FBXO45: variants seen among roughly 807,000 people sequenced by gnomAD.
FBXO45 encodes the protein F-box protein 45, also known as F-box/SPRY domain-containing protein 1.
A neutral mutation model predicts 25.5 loss-of-function variants in FBXO45; 3 were observed. The observed-to-expected ratio is 0.12, with a 90% CI of 0.05 to 0.30. The LOEUF is 0.30. Among genes scored for constraint, FBXO45 ranks in the 10% least tolerant of loss-of-function variants. The pLI is 1.00. For missense variants in FBXO45, 219 were observed against 365.0 expected (o/e 0.60, Z 3.26); for synonymous variants, 155 against 149.8 (o/e 1.03, Z -0.25).
At chr3:196,578,709 A>T (rs969824691) in intron 2 of FBXO45, among the ~76,000 whole-genome samples, 5 of 152,114 alleles carry the variant, frequency 3.3e-5, no homozygotes, top group Non-Finnish European at 7.4e-5. Context: ...AGCTTGTCCA[A>T]CCCACAGCCT....
intron 1 of FBXO45, among the ~76,000 whole-genome samples, chr3:196,570,705 CTTTTTTCTTTTTT>C (rs1310319992): frequency 7.3e-6 from 1 of 136,322 alleles, no homozygotes; most frequent in African/African-American, 2.7e-5. Flanking sequence ...TTTCTCTTTT[CTTTTTTCTTTTTT>C]TTTTTTTTTT....
chr3:196,584,493 T>C lies in FBXO45; in HGVS notation c.*175T>C. On this transcript the variant is annotated 3_prime_UTR_variant, in exon 3 of 3. Coordinates refer to ENST00000311630, the MANE Select transcript of FBXO45 (RefSeq NM_001105573.2). This position sits in a 1 kb window ranked among gnomAD's most constrained non-coding sequence, Gnocchi z 4.3. ...TTATCTTCGTGTTTCCTCTTTCTAC[T>C]GGGCCAGAAAAATCCTCAGGGTTGC... is the stretch of plus-strand genomic sequence containing the variant. 1 of 588,842 alleles carries C rather than the reference T, an allele frequency of 1.7e-6. No homozygotes were observed. Among genetic ancestry groups the C allele is most frequent in the Non-Finnish European group, 2.8e-6 (1 of 357,770 alleles). The allele number at this position is 588,842 out of a possible 1,614,324, so 36.5% of individuals were successfully genotyped here. A position where few individuals can be genotyped will look rare whatever the true frequency, so the allele number is the denominator to read the frequency against.
intron 2 of FBXO45, among the ~76,000 whole-genome samples, chr3:196,579,888 C>T (rs1233579604): frequency 1.3e-5 from 2 of 152,158 alleles, no homozygotes; most frequent in African/African-American, 4.8e-5. Flanking sequence ...GAAATGACTT[C>T]CTTTGACTCT....
intron 1 of FBXO45, among the ~76,000 whole-genome samples, chr3:196,576,245 A>G (rs905543137): frequency 6.6e-6 from 1 of 152,320 alleles, no homozygotes; most frequent in Admixed American, 6.5e-5. Context: ...ATCCCTGAGA[A>G]GGACTAGGTG....
chr3:196,576,284 A>G (rs1005662423), intron 1 of FBXO45, among the ~76,000 whole-genome samples: 7 of 152,308 alleles, frequency 4.6e-5, no homozygotes, highest in Non-Finnish European at 1.0e-4. Flanking sequence ...AAATGCTGAC[A>G]TTCTATGCCT....
chr3:196,583,530 G>A (rs1039853413), intron 2 of FBXO45, among the ~76,000 whole-genome samples: 15 of 150,800 alleles, frequency 9.9e-5, no homozygotes, highest in Admixed American at 2.0e-4. Flanking sequence ...AAAAAGTTCC[G>A]TTGTATGTAT....
chr3:196,574,720 T>G lies in FBXO45; in HGVS notation c.319-2733T>G, dbSNP rs571070927. Among the ~76,000 whole-genome samples, 9 of 152,324 alleles carry G rather than the reference T, an allele frequency of 5.9e-5. No individual in the cohort carries two copies. The East Asian group carries it at 1.5e-3, about 26-fold the overall frequency. On this transcript the variant is annotated intron_variant, in intron 1 of 2. Transcript: ENST00000311630. ...TGTTAGAAAATAAGAGCTGCTAAATTGTTACGTGGCACAGAAAGTGGTGGG... is the reference window on the plus strand; with the variant it reads ...TGTTAGAAAATAAGAGCTGCTAAATGGTTACGTGGCACAGAAAGTGGTGGG...
Position 196,569,245 on chromosome 3 carries a change from G to A in FBXO45, c.261G>A (p.Leu87=), listed in dbSNP as rs77421535. 8.8e-6 allele frequency: 14 copies of A among 1,585,078 alleles called. No homozygotes were observed. The highest frequency in any genetic ancestry group is 2.3e-5 in the East Asian group (1 of 43,252). The change falls in exon 1 of 3, where the codon CTG becomes CTA. Residue 87 remains leucine, a synonymous_variant. Coordinates refer to ENST00000311630, the MANE Select transcript of FBXO45 (RefSeq NM_001105573.2). The surrounding 1 kb of genome is among the most constrained non-coding windows in gnomAD (Gnocchi z 4.1). ...EVWRSLCARS[L]AEEALRTDIL... ...GGCGGAGCCTGTGCGCCCGCAGCCT[G>A]GCAGAAGAGGCTCTGCGCACGGACA...
Position 196,569,055 on chromosome 3 carries a change from C to T in FBXO45, c.71C>T (p.Ala24Val). The T allele has an allele frequency of 3.5e-6, 4 of 1,147,748 alleles. No individual in the cohort carries two copies. Among genetic ancestry groups the T allele is most frequent in the Non-Finnish European group, 4.3e-6 (4 of 932,730 alleles). The allele number at this position is 1,147,748 out of a possible 1,614,324, so 71.1% of individuals were successfully genotyped here. The change falls in exon 1 of 3, where the codon GCG (alanine) becomes GTG (valine). Residue 24 changes from alanine to valine, a missense_variant. Physicochemically the swap from Ala to Val is moderately conservative, Grantham distance 64 (BLOSUM62 0). Transcript: ENST00000311630. This position sits in a 1 kb window ranked among gnomAD's most constrained non-coding sequence, Gnocchi z 4.1. ...GAGCSGGGAGAGAGSGSGAAG... is the reference protein window; with the variant it reads ...GAGCSGGGAGVGAGSGSGAAG... ...GGCTGTAGCGGCGGCGGCGCGGGCGCGGGCGCGGGCTCGGGCTCTGGGGCC... is the reference window on the plus strand; with the variant it reads ...GGCTGTAGCGGCGGCGGCGCGGGCGTGGGCGCGGGCTCGGGCTCTGGGGCC...
At chr3:196,581,751 T>C (rs1736016160) in intron 2 of FBXO45, among the ~76,000 whole-genome samples, 1 of 152,196 alleles carries the variant, frequency 6.6e-6, no homozygotes, top group South Asian at 2.1e-4. Context: ...AGTAATTTTT[T>C]TAACTGAAAC....
At chr3:196,573,801 G>A (rs1164393699) in intron 1 of FBXO45, among the ~76,000 whole-genome samples, 4 of 152,060 alleles carry the variant, frequency 2.6e-5, no homozygotes, top group Admixed American at 2.0e-4. Context: ...CTTGGCATCT[G>A]ATGAGAATTC....
intron 1 of FBXO45, 142 bp from the exon 2 acceptor site, chr3:196,577,311 C>A: frequency 1.6e-6 from 1 of 641,804 alleles, no homozygotes; most frequent in Non-Finnish European, 2.5e-6. Flanking sequence ...CCTGAAACTT[C>A]AGCCATTATT....
At chr3:196,582,626 T>C (rs1182400901) in intron 2 of FBXO45, among the ~76,000 whole-genome samples, 1 of 152,174 alleles carries the variant, frequency 6.6e-6, no homozygotes, top group Non-Finnish European at 1.5e-5. Context: ...CATCCTTTTT[T>C]TTTTTTTGCT....
In FBXO45 at chr3:196,577,757, A is replaced by G; in HGVS notation, c.623A>G (p.Asn208Ser). The G allele has an allele frequency of 6.2e-7, 1 of 1,613,286 alleles. No individual in the cohort carries two copies. Among genetic ancestry groups the G allele is most frequent in the Non-Finnish European group, 8.5e-7 (1 of 1,179,284 alleles). Residue 208 changes from asparagine (N) to serine (S), a missense_variant, in exon 2 of 3, where the codon AAT becomes AGT. Physicochemically the swap from Asn to Ser is conservative, Grantham distance 46. This residue lies in a region of FBXO45 where 34 missense variants were observed against 48.2 expected (regional missense o/e 0.70). Transcript: ENST00000311630. ...WNLVDNNLLH[N>S]GEVNGSFPQC... Reference sequence around the variant, plus strand: ...CTGGTGGACAATAATCTACTACATAATGGAGAAGTCAATGGCAGTTTTCCA... The same window carrying G: ...CTGGTGGACAATAATCTACTACATAGTGGAGAAGTCAATGGCAGTTTTCCA...
At position 196,569,774 on chromosome 3, in the gene FBXO45, C is replaced by A. The variant is rs377388764; in HGVS notation, c.318+472C>A. Reference sequence around the variant, plus strand: ...GCTCTGATTTTTAACCATTTGTTTTCATTATTTTCCCCCAAGTTCTCTTTA... The same window carrying A: ...GCTCTGATTTTTAACCATTTGTTTTAATTATTTTCCCCCAAGTTCTCTTTA... On this transcript the variant is annotated intron_variant, in intron 1 of 2. Transcript: ENST00000311630. The surrounding 1 kb of genome is among the most constrained non-coding windows in gnomAD (Gnocchi z 4.1). 2.1e-4 allele frequency among the ~76,000 whole-genome samples: 32 copies of A among 152,282 alleles called. No homozygotes were observed. In the South Asian group the frequency reaches 6.0e-3, roughly 29 times the overall value.
At chr3:196,578,173 A>G (rs1295998178) in intron 2 of FBXO45, among the ~76,000 whole-genome samples, 1 of 150,206 alleles carries the variant, frequency 6.7e-6, no homozygotes, top group African/African-American at 2.5e-5. Context: ...AGTAGTTGGG[A>G]TTACAGGCGC....
At chr3:196,579,601 A>C (rs983713584) in intron 2 of FBXO45, among the ~76,000 whole-genome samples, 1 of 152,210 alleles carries the variant, frequency 6.6e-6, no homozygotes, top group Non-Finnish European at 1.5e-5. Flanking sequence ...GTGTGCTTGA[A>C]AAAATGTATA....
At chr3:196,579,796 A>G (rs1006694748) in intron 2 of FBXO45, among the ~76,000 whole-genome samples, 4 of 152,106 alleles carry the variant, frequency 2.6e-5, no homozygotes, top group African/African-American at 4.8e-5. Flanking sequence ...TGTTTGCTTC[A>G]TGTATTTTGG....
intron 2 of FBXO45, among the ~76,000 whole-genome samples, chr3:196,582,932 C>G (rs576062377): frequency 9.9e-4 from 150 of 152,280 alleles, no homozygotes; most frequent in African/African-American, 3.5e-3. Flanking sequence ...GTATACAATT[C>G]AGTGGCATTA....
Sources: gnomAD v4.1 joint callset for allele counts (sites outside exome capture counted in the v4.1 genomes callset) on GRCh38, gnomAD v4.1.1 for gene constraint, gnomAD v4.1.1 regional missense constraint, Gnocchi (gnomAD v3.1) non-coding constraint, MANE v1.5 for transcripts, NCBI Gene and HGNC (gene_info 2026-07-23, HGNC 2026-07-21) for gene names.